Variants in UEVLD observed in about 807,000 individuals in gnomAD.
The protein encoded by UEVLD is UEV and lactate/malate dehyrogenase domains.
UEVLD carries 47 observed loss-of-function variants against 58.6 expected under a neutral mutation model. That is an observed-to-expected ratio of 0.80 (90% CI 0.63 to 1.02). The LOEUF is 1.02. UEVLD is among the 50% of genes least tolerant of loss of function. The probability of loss-of-function intolerance (pLI) is 0.00; values close to 1 mark genes in which losing one functional copy is unlikely to be tolerated. For synonymous variants in UEVLD, 197 were observed against 195.3 expected (o/e 1.01, Z -0.07); for missense variants, 510 against 550.6 (o/e 0.93, Z 0.74).
At chr11:18,556,305 A>G (rs964580966) in intron 7 of UEVLD, among the ~76,000 whole-genome samples, 1 of 152,232 alleles carries the variant, frequency 6.6e-6, no homozygotes, top group African/African-American at 2.4e-5. Context: ...CAGTTCCCCA[A>G]AGAACTTCTA....
At chr11:18,537,324 A>ATTTTTTTT (rs1554974951) in intron 9 of UEVLD, among the ~76,000 whole-genome samples, 1 of 131,570 alleles carries the variant, frequency 7.6e-6, no homozygotes, top group Non-Finnish European at 1.6e-5. Flanking sequence ...ATATATATAT[A>ATTTTTTTT]TTTTTTTTTT....
chr11:18,560,132 C>CCAGCCTGGGCAACATGGCAAA (rs1851960524), intron 6 of UEVLD, among the ~76,000 whole-genome samples: 1 of 86,880 alleles, frequency 1.2e-5, no homozygotes, highest in African/African-American at 4.9e-5. Flanking sequence ...CACACACACA[C>CCAGCCTGGGCAACATGGCAAA]ACACACAGAG....
chr11:18,578,612 G>A, intron 2 of UEVLD, 112 bp downstream of exon 2: 2 of 750,862 alleles, frequency 2.7e-6, no homozygotes, highest in South Asian at 1.6e-5. Flanking sequence ...AAGTATAGCT[G>A]AAAATCAGAG....
chr11:18,557,731 AT>A, intron 7 of UEVLD, among the ~76,000 whole-genome samples: 1 of 151,768 alleles, frequency 6.6e-6, no homozygotes, highest in South Asian at 2.1e-4. Flanking sequence ...ACCCAGCTAA[AT>A]TTTTTTTCTT....
At chr11:18,583,740 C>A (rs1039238235) in intron 1 of UEVLD, among the ~76,000 whole-genome samples, 41 of 149,994 alleles carry the variant, frequency 2.7e-4, no homozygotes, top group Non-Finnish European at 7.4e-5. Context: ...CGGCTCACCG[C>A]AACCTGCACT....
chr11:18,575,304 C>G, intron 3 of UEVLD, 43 bp downstream of exon 3: 1 of 1,565,574 alleles, frequency 6.4e-7, no homozygotes. Context: ...AAATGAACTG[C>G]TCTTTTAGAA....
intron 7 of UEVLD, among the ~76,000 whole-genome samples, chr11:18,551,219 G>A (rs1190291075): frequency 6.6e-6 from 1 of 152,056 alleles, no homozygotes; most frequent in East Asian, 1.9e-4. Flanking sequence ...ACGAGGTCAG[G>A]AGTTCAAGAC....
intron 10 of UEVLD, 71 bp downstream of exon 10, chr11:18,536,335 G>T: frequency 1.4e-6 from 2 of 1,390,660 alleles, no homozygotes; most frequent in Non-Finnish European, 2.0e-6. Flanking sequence ...AGTACATACT[G>T]TATAAATAGC....
intron 10 of UEVLD, among the ~76,000 whole-genome samples, chr11:18,535,085 A>G (rs533028579): frequency 2.0e-4 from 30 of 152,358 alleles, no homozygotes; most frequent in Admixed American, 1.9e-3. Flanking sequence ...TAAGGAAAGA[A>G]ATGAAGTTGC....
chr11:18,540,569 C>T (rs1851010951), intron 9 of UEVLD, among the ~76,000 whole-genome samples: 1 of 152,138 alleles, frequency 6.6e-6, no homozygotes, highest in Admixed American at 6.6e-5. Flanking sequence ...CTGGGGAGAA[C>T]TACATAGTTA....
At chr11:18,535,213 G>C (rs1850743244) in intron 10 of UEVLD, among the ~76,000 whole-genome samples, 1 of 151,946 alleles carries the variant, frequency 6.6e-6, no homozygotes, top group Non-Finnish European at 1.5e-5. Flanking sequence ...CAAACTCCTG[G>C]GCTCAACTGA....
intron 6 of UEVLD, among the ~76,000 whole-genome samples, chr11:18,560,914 G>C (rs1282650111): frequency 6.6e-6 from 1 of 152,104 alleles, no homozygotes; most frequent in Non-Finnish European, 1.5e-5. Context: ...GGGAGGCTGA[G>C]GCAGGAGAAT....
chr11:18,559,840 TA>T (rs1418615938), intron 6 of UEVLD, among the ~76,000 whole-genome samples: 1 of 152,148 alleles, frequency 6.6e-6, no homozygotes, highest in Non-Finnish European at 1.5e-5. Flanking sequence ...AAAATCAGTT[TA>T]CCTTTATGGA....
In UEVLD at chr11:18,544,612, G is replaced by A. The variant is rs755392127; in HGVS notation, c.1060+11C>T. ...GAGCCACCACACCCAGCCTAAAAAC[G>A]TACTTCTTACCTTTGTCTTCTCCTT... On this transcript the variant is annotated intron_variant, in intron 9 of 11. Transcript: ENST00000396197. The A allele has an allele frequency of 5.1e-6, 8 of 1,579,002 alleles. No individual in the cohort carries two copies. The highest frequency in any genetic ancestry group is 1.4e-5 in the African/African-American group (1 of 72,396).
intron 2 of UEVLD, among the ~76,000 whole-genome samples, chr11:18,577,656 G>A (rs927436713): frequency 3.3e-5 from 5 of 152,154 alleles, no homozygotes; most frequent in South Asian, 4.1e-4. Context: ...TATCAATTGA[G>A]GTCAGGAGTT....
At chr11:18,533,626 A>T (rs1306970865) in intron 11 of UEVLD, among the ~76,000 whole-genome samples, 1 of 152,208 alleles carries the variant, frequency 6.6e-6, no homozygotes, top group African/African-American at 2.4e-5. Flanking sequence ...ATGGATATAT[A>T]AACACTATTT....
intron 9 of UEVLD, 191 bp from the exon 10 acceptor site, chr11:18,536,660 C>T (rs1850811030): frequency 1.9e-6 from 1 of 523,944 alleles, no homozygotes; most frequent in African/African-American, 1.9e-5. Context: ...GAGGAAAACT[C>T]TGAACTACAA....
intron 3 of UEVLD, among the ~76,000 whole-genome samples, chr11:18,570,939 C>CAA (rs34951254): frequency 2.2e-5 from 3 of 137,596 alleles, no homozygotes; most frequent in Non-Finnish European, 4.8e-5. Context: ...CCCTGCCTCT[C>CAA]AAAAAAAAAA....
intron 7 of UEVLD, among the ~76,000 whole-genome samples, chr11:18,551,218 G>A (rs750372208): frequency 1.5e-4 from 23 of 152,080 alleles, no homozygotes; most frequent in Non-Finnish European, 3.2e-4. Flanking sequence ...CACGAGGTCA[G>A]GAGTTCAAGA....
Sources: gnomAD v4.1 joint callset for allele counts (sites outside exome capture counted in the v4.1 genomes callset) on GRCh38, gnomAD v4.1.1 for gene constraint, MANE v1.5 for transcripts, NCBI Gene and HGNC (gene_info 2026-07-23, HGNC 2026-07-21) for gene names.